DNAH6: variants seen among roughly 807,000 people sequenced by gnomAD.
DNAH6 encodes dynein axonemal heavy chain 6, also known as axonemal beta dynein heavy chain 6.
In DNAH6, 340 loss-of-function variants were observed where a neutral mutation model predicts 491.4. The observed-to-expected ratio is 0.69, with a 90% CI of 0.63 to 0.76. The LOEUF (loss-of-function observed/expected upper bound fraction) is 0.76, where lower values mean the gene tolerates loss of function less well. Ranked by LOEUF, DNAH6 falls within the 30% of genes least tolerant of loss-of-function variation. The pLI, the probability that DNAH6 is intolerant of heterozygous loss-of-function variation, is 0.00. For missense variants in DNAH6, 4,443 were observed against 4,972.2 expected, an observed-to-expected ratio of 0.89 and a Z score of 3.20; for synonymous variants, 1,603 against 1,686.1, an observed-to-expected ratio of 0.95 and a Z score of 1.21.
intron 11 of DNAH6, among the ~76,000 whole-genome samples, chr2:84,567,879 A>G (rs553996879): frequency 4.3e-4 from 65 of 152,240 alleles, no homozygotes; most frequent in African/African-American, 1.5e-3. Context: ...AATAGGAAAA[A>G]TTTTTGCAAT....
At chr2:84,546,371 G>T (rs1017007925) in intron 5 of DNAH6, among the ~76,000 whole-genome samples, 1 of 152,068 alleles carries the variant, frequency 6.6e-6, no homozygotes, top group East Asian at 1.9e-4. Context: ...GTAAATAGTT[G>T]TTATACTATA....
At chr2:84,779,443 A>G (rs898321203) in intron 64 of DNAH6, among the ~76,000 whole-genome samples, 26 of 152,152 alleles carry the variant, frequency 1.7e-4, no homozygotes. Flanking sequence ...TTATTTCTAC[A>G]ATATAAGAAT....
intron 11 of DNAH6, among the ~76,000 whole-genome samples, chr2:84,559,940 A>C (rs1046253751): frequency 2.6e-5 from 4 of 152,194 alleles, no homozygotes; most frequent in African/African-American, 9.6e-5. Context: ...GATGGGAAAA[A>C]GTAATGAGTA....
chr2:84,575,841 G>A (rs1212529947), intron 12 of DNAH6, among the ~76,000 whole-genome samples: 3 of 152,116 alleles, frequency 2.0e-5, no homozygotes, highest in Non-Finnish European at 4.4e-5. Flanking sequence ...CCGAGATCGC[G>A]CCGCTGCACT....
intron 64 of DNAH6, among the ~76,000 whole-genome samples, chr2:84,775,801 G>A (rs983925569): frequency 6.6e-6 from 1 of 152,054 alleles, no homozygotes; most frequent in Non-Finnish European, 1.5e-5. Flanking sequence ...TCAATGCATA[G>A]AGTTATTAAT....
chr2:84,640,422 T>G lies in DNAH6; in HGVS notation c.4822-8T>G. On this transcript the variant is annotated splice_polypyrimidine_tract_variant and splice_region_variant and intron_variant, in intron 31 of 76. Coordinates refer to ENST00000389394, the MANE Select transcript of DNAH6 (RefSeq NM_001370.2). ...ATAATAAGCATTGCATTATTTTTTC[T>G]ATTCTAGGTAATTCTATATTCTGAA... 1 of 1,442,534 alleles carries G rather than the reference T, an allele frequency of 6.9e-7. No homozygotes were observed. Among genetic ancestry groups the G allele is most frequent in the Non-Finnish European group, 9.5e-7 (1 of 1,050,596 alleles). The allele number at this position is 1,442,534 out of a possible 1,614,324, so 89.4% of individuals were successfully genotyped here. A position where few individuals can be genotyped will look rare whatever the true frequency, so the allele number is the denominator to read the frequency against.
At chr2:84,713,296 G>T in intron 57 of DNAH6, 37 bp downstream of exon 57, 1 of 1,538,294 alleles carries the variant, frequency 6.5e-7, no homozygotes, top group Non-Finnish European at 8.8e-7. Flanking sequence ...AACTTAACTG[G>T]ATTATCATGG....
chr2:84,706,623 A>G (rs1379903874), intron 52 of DNAH6, among the ~76,000 whole-genome samples: 1 of 152,184 alleles, frequency 6.6e-6, no homozygotes, highest in African/African-American at 2.4e-5. Flanking sequence ...ATAATCCATT[A>G]TGATACCTAA....
At chr2:84,565,901 T>C (rs1681151688) in intron 11 of DNAH6, among the ~76,000 whole-genome samples, 1 of 152,022 alleles carries the variant, frequency 6.6e-6, no homozygotes, top group Non-Finnish European at 1.5e-5. Flanking sequence ...TTATCTGATA[T>C]TAGAATAGTG....
In DNAH6 at chr2:84,710,069, CTCTT is replaced by C. The variant is rs1214986534; in HGVS notation, c.9253-212_9253-209del. 2.0e-5 allele frequency among the ~76,000 whole-genome samples: 3 copies of C among 152,214 alleles called. 1 individual carries two copies. The South Asian group carries it at 6.2e-4, about 32-fold the overall frequency. ...AAGCATGAACTCTGTTCCCAGATGA[CTCTT>C]TCTTTATTTCTTCCACATCTAAACA... is the stretch of plus-strand genomic sequence containing the variant. On this transcript the variant is annotated intron_variant, in intron 55 of 76. Transcript: ENST00000389394.
chr2:84,628,516 G>A (rs1688094285), intron 29 of DNAH6, among the ~76,000 whole-genome samples: 1 of 152,122 alleles, frequency 6.6e-6, no homozygotes, highest in Admixed American at 6.5e-5. Context: ...TTGCCCTAAA[G>A]TTTTCCTCAG....
At chr2:84,801,449 A>T (rs753949182) in intron 70 of DNAH6, among the ~76,000 whole-genome samples, 2 of 152,154 alleles carry the variant, frequency 1.3e-5, no homozygotes, top group Non-Finnish European at 2.9e-5. Flanking sequence ...CCAAGGTCAA[A>T]TCAAAGAAAA....
chr2:84,461,408 G>A, the DNAH6 span, among the ~76,000 whole-genome samples: 2 of 152,092 alleles, frequency 1.3e-5, no homozygotes, highest in Admixed American at 6.5e-5. Context: ...TTTGGTCCGG[G>A]AACACCCCTA....
At position 84,670,425 on chromosome 2, in the gene DNAH6, C is replaced by T. The variant is rs1306766470; in HGVS notation, c.6404C>T (p.Thr2135Ile). 5 of 1,545,322 alleles carry T rather than the reference C, an allele frequency of 3.2e-6. No homozygotes were observed. The highest frequency in any genetic ancestry group is 3.5e-6 in the Non-Finnish European group (4 of 1,144,156). The change falls in exon 39 of 77, where the codon ACA (threonine) becomes ATA (isoleucine). Residue 2135 changes from threonine (T) to isoleucine (I), a missense_variant. Around this residue, in one of 3 missense-constraint regions of DNAH6, gnomAD observed 2,977 missense variants for 3,296.6 expected, o/e 0.90. Coordinates refer to ENST00000389394, the MANE Select transcript of DNAH6 (RefSeq NM_001370.2). ...NFSAQTSSARTQEIIESKLER... is the reference protein window; with the variant it reads ...NFSAQTSSARIQEIIESKLER... ...TCTGCTCAAACTTCATCTGCAAGGA[C>T]ACAAGAGATCATTGAGTCAAAACTG... is the stretch of plus-strand genomic sequence containing the variant.
intron 22 of DNAH6, among the ~76,000 whole-genome samples, chr2:84,612,789 G>T (rs991689372): frequency 6.6e-6 from 1 of 151,900 alleles, no homozygotes; most frequent in African/African-American, 2.4e-5. Flanking sequence ...CTCCATCCAT[G>T]ATCCTTAACT....
At chr2:84,529,518 G>A (rs1339336394) in intron 4 of DNAH6, among the ~76,000 whole-genome samples, 1 of 149,496 alleles carries the variant, frequency 6.7e-6, no homozygotes, top group Non-Finnish European at 1.5e-5. Flanking sequence ...TGTTTTTCAT[G>A]TTATTTCACC....
At position 84,630,530 on chromosome 2, in the gene DNAH6, T is replaced by G. The variant is rs72922737; in HGVS notation, c.4516-3974T>G. Among the ~76,000 whole-genome samples the G allele has an allele frequency of 4.7e-3, 712 of 152,228 alleles. 5 individuals are homozygous for G. Among genetic ancestry groups the G allele is most frequent in the African/African-American group, 0.016 (652 of 41,542 alleles). On this transcript the variant is annotated intron_variant, in intron 29 of 76. Coordinates refer to ENST00000389394, the MANE Select transcript of DNAH6 (RefSeq NM_001370.2). ...CAGCTAAATATGGAATCAGGGGAAT[T>G]CTATAGGGAAAATAACTTACAGACC...
chr2:84,483,139 T>TG, the DNAH6 span, among the ~76,000 whole-genome samples: 2 of 151,962 alleles, frequency 1.3e-5, no homozygotes, highest in Non-Finnish European at 2.9e-5. Flanking sequence ...TCTTTAATTT[T>TG]GGGGGGTAGA....
At chr2:84,651,776 T>C (rs1690475024) in intron 33 of DNAH6, among the ~76,000 whole-genome samples, 2 of 152,172 alleles carry the variant, frequency 1.3e-5, no homozygotes, top group South Asian at 2.1e-4. Context: ...ACAGGGATTT[T>C]AGTTGTACTT....
Sources: gnomAD v4.1 joint callset for allele counts (sites outside exome capture counted in the v4.1 genomes callset) on GRCh38, gnomAD v4.1.1 for gene constraint, gnomAD v4.1.1 regional missense constraint, MANE v1.5 for transcripts, NCBI Gene and HGNC (gene_info 2026-07-23, HGNC 2026-07-21) for gene names.